The following TNRC6A variants were observed in gnomAD, a reference collection of about 807,000 sequenced individuals.
TNRC6A encodes the protein trinucleotide repeat containing adaptor 6A, also known as trinucleotide repeat-containing gene 6A protein.
A neutral mutation model predicts 221.2 loss-of-function variants in TNRC6A; 44 were observed. The ratio of observed to expected loss-of-function variants is 0.20; its 90% CI spans 0.16 to 0.26. TNRC6A has a LOEUF of 0.26. TNRC6A is among the 10% of genes least tolerant of loss of function. The probability of loss-of-function intolerance (pLI) is 1.00; values close to 1 mark genes in which losing one functional copy is unlikely to be tolerated. For missense variants in TNRC6A, 2,199 were observed against 2,404.4 expected (o/e 0.91, Z 1.79); for synonymous variants, 847 against 838.5 (o/e 1.01, Z -0.18).
At chr16:24,768,052 C>G (rs996327330) in intron 4 of TNRC6A, among the ~76,000 whole-genome samples, 5 of 152,066 alleles carry the variant, frequency 3.3e-5, no homozygotes, top group African/African-American at 4.8e-5. Flanking sequence ...CTAAACAGTT[C>G]TAATAAGCAA....
At chr16:24,611,531 G>T (rs1433770029) in intron 1 of TNRC6A, among the ~76,000 whole-genome samples, 1 of 152,068 alleles carries the variant, frequency 6.6e-6, no homozygotes, top group Non-Finnish European at 1.5e-5. Flanking sequence ...ACTCTCTGTG[G>T]GAGAAACCAG....
At chr16:24,702,175 C>CTTTTCT (rs1567370075) in intron 2 of TNRC6A, among the ~76,000 whole-genome samples, 2 of 22,300 alleles carry the variant, frequency 9.0e-5, no homozygotes, top group Non-Finnish European at 1.6e-4. Context: ...TTTCTTTTTT[C>CTTTTCT]TTTTTTCTTT....
chr16:24,778,500 G>A lies in TNRC6A; in HGVS notation c.589+1142G>A, dbSNP rs140067673. 3.8e-4 allele frequency: 373 copies of A among 985,174 alleles called. 2 individuals carry two copies. Among genetic ancestry groups the A allele is most frequent in the African/African-American group, 2.9e-3 (169 of 57,334 alleles). The allele number at this position is 985,174 out of a possible 1,614,324, so 61.0% of individuals were successfully genotyped here. On this transcript the variant is annotated intron_variant, in intron 5 of 24. Transcript: ENST00000395799. ...TTTCTAGCATAGGCACATTGTTATTGGAAAGGATACAAATTTAAGTCATTG... is the reference window on the plus strand; with the variant it reads ...TTTCTAGCATAGGCACATTGTTATTAGAAAGGATACAAATTTAAGTCATTG...
At chr16:24,788,717 C>T (rs1351529046) in intron 5 of TNRC6A, among the ~76,000 whole-genome samples, 1 of 151,488 alleles carries the variant, frequency 6.6e-6, no homozygotes, top group African/African-American at 2.4e-5. Context: ...GGCACTATCT[C>T]CGCTCACTGC....
At chr16:24,802,893 A>G (rs1187936011) in intron 11 of TNRC6A, among the ~76,000 whole-genome samples, 5 of 152,154 alleles carry the variant, frequency 3.3e-5, no homozygotes, top group Non-Finnish European at 7.3e-5. Context: ...AGATTTGTTG[A>G]AATAGAGCAG....
intron 18 of TNRC6A, among the ~76,000 whole-genome samples, chr16:24,810,107 C>T (rs1358200441): frequency 1.3e-5 from 2 of 152,218 alleles, no homozygotes; most frequent in African/African-American, 4.8e-5. Flanking sequence ...ACTACTGCAC[C>T]TGGCCCATAA....
Position 24,666,858 on chromosome 16 carries a change from G to A in TNRC6A, n.402+25849G>A, listed in dbSNP as rs955487207. Among the ~76,000 whole-genome samples, 102 of 151,760 alleles carry A rather than the reference G, an allele frequency of 6.7e-4. 3 individuals carry two copies. Among genetic ancestry groups the A allele is most frequent in the Non-Finnish European group, 2.1e-4 (14 of 67,926 alleles). ...TGGCTGGGCATGGTGGCTCACACCT[G>A]TAATCCCAGCATTTTGGGAGGCTGA... is the stretch of plus-strand genomic sequence containing the variant. On this transcript the variant is annotated intron_variant and non_coding_transcript_variant, in intron 2 of 2. Coordinates refer to the TNRC6A transcript ENST00000566108.
intron 7 of TNRC6A, among the ~76,000 whole-genome samples, chr16:24,794,082 T>C (rs1206984137): frequency 6.6e-6 from 1 of 152,160 alleles, no homozygotes; most frequent in Non-Finnish European, 1.5e-5. Context: ...CATTATCCCA[T>C]AGGCTGTGTA....
At chr16:24,785,158 T>C (rs2057939644) in intron 5 of TNRC6A, among the ~76,000 whole-genome samples, 1 of 152,258 alleles carries the variant, frequency 6.6e-6, no homozygotes, top group South Asian at 2.1e-4. Flanking sequence ...CAAAGTGCTC[T>C]CTGGCAATGC....
chr16:24,702,633 G>T lies in TNRC6A; in HGVS notation n.403-48093G>T, dbSNP rs570092755. Among the ~76,000 whole-genome samples the T allele has an allele frequency of 6.3e-4, 96 of 152,162 alleles. No individual in the cohort carries two copies. In the South Asian group the frequency reaches 0.017, roughly 27 times the overall value. On this transcript the variant is annotated intron_variant and non_coding_transcript_variant, in intron 2 of 2. Coordinates refer to the TNRC6A transcript ENST00000566108. ...TCACACACTTAAAATATACAATTTG[G>T]CTGGGCACGGTGACACCTCTTGAAA...
At chr16:24,735,428 C>T (rs1309705799) in intron 2 of TNRC6A, among the ~76,000 whole-genome samples, 1 of 152,126 alleles carries the variant, frequency 6.6e-6, no homozygotes, top group Non-Finnish European at 1.5e-5. Context: ...TTTTCTTTTG[C>T]TTTGCTGTGA....
At chr16:24,625,259 C>G (rs1900897443) in intron 1 of TNRC6A, among the ~76,000 whole-genome samples, 1 of 152,188 alleles carries the variant, frequency 6.6e-6, no homozygotes, top group Admixed American at 6.5e-5. Flanking sequence ...ATTGACTCTT[C>G]CCTAACAGTT....
At chr16:24,792,613 CT>C (rs34670934) in intron 6 of TNRC6A, among the ~76,000 whole-genome samples, 591 of 56,456 alleles carry the variant, frequency 0.01, no homozygotes, top group Non-Finnish European at 0.011. Flanking sequence ...ACATTTATGG[CT>C]TTTTTTTTTT....
At chr16:24,622,908 C>T (rs1003776765) in intron 1 of TNRC6A, among the ~76,000 whole-genome samples, 4 of 152,092 alleles carry the variant, frequency 2.6e-5, no homozygotes, top group African/African-American at 9.7e-5. Context: ...CTGTGCGGTA[C>T]ATAGGTGAAT....
rs746405019 is a variant in TNRC6A, at chr16:24,809,478, C to T, written c.4669C>T (p.His1557Tyr). 6.1e-6 allele frequency: 9 copies of T among 1,472,822 alleles called. No homozygotes were observed. Among genetic ancestry groups the T allele is most frequent in the Non-Finnish European group, 8.1e-6 (9 of 1,113,616 alleles). The allele number at this position is 1,472,822 out of a possible 1,614,324, so 91.2% of individuals were successfully genotyped here. Reference sequence around the variant, plus strand: ...ATCTTTGGATCAAAACTCCAGCAAACATGGTACAAAAGATACATCTTACCA... The same window carrying T: ...ATCTTTGGATCAAAACTCCAGCAAATATGGTACAAAAGATACATCTTACCA... Reference protein sequence around the residue: ...NTSLDQNSSKHGAISSGFRLE... With the variant: ...NTSLDQNSSKYGAISSGFRLE... Residue 1557 changes from histidine to tyrosine, a missense_variant, in exon 18 of 25, where the codon CAT becomes TAT. Physicochemically the swap from His to Tyr is moderately conservative, Grantham distance 83 (BLOSUM62 2). This residue lies in a region of TNRC6A where 449 missense variants were observed against 579.7 expected (regional missense o/e 0.77). Coordinates refer to ENST00000395799, the MANE Select transcript of TNRC6A (RefSeq NM_014494.4).
At chr16:24,621,939 G>A (rs1900696577) in intron 1 of TNRC6A, among the ~76,000 whole-genome samples, 1 of 152,180 alleles carries the variant, frequency 6.6e-6, no homozygotes, top group Non-Finnish European at 1.5e-5. Flanking sequence ...GGAAAGCAAG[G>A]CTATGAGTAT....
intron 1 of TNRC6A, among the ~76,000 whole-genome samples, chr16:24,639,909 G>A (rs570370005): frequency 2.6e-5 from 4 of 152,186 alleles, no homozygotes; most frequent in East Asian, 3.9e-4. Flanking sequence ...CTCCCACTTC[G>A]GCTTCCCAAA....
chr16:24,754,879 A>G (rs1281762622), intron 3 of TNRC6A, among the ~76,000 whole-genome samples: 1 of 152,114 alleles, frequency 6.6e-6, no homozygotes, highest in Non-Finnish European at 1.5e-5. Context: ...AGCTGAAGGG[A>G]TTTTTATAGG....
At position 24,744,051 on chromosome 16, in the gene TNRC6A, G is replaced by T. The variant is rs543675868; in HGVS notation, c.54-6675G>T. Reference sequence around the variant, plus strand: ...GCATTCTGGAAGTTTCTTAGTTTCTGCTCTTCAGGACCTTGATATTTTTAA... The same window carrying T: ...GCATTCTGGAAGTTTCTTAGTTTCTTCTCTTCAGGACCTTGATATTTTTAA... On this transcript the variant is annotated intron_variant, in intron 2 of 24. Transcript: ENST00000395799. 5.3e-5 allele frequency among the ~76,000 whole-genome samples: 8 copies of T among 152,278 alleles called. No homozygotes were observed. The South Asian group carries it at 1.0e-3, about 20-fold the overall frequency.
Sources: gnomAD v4.1 joint callset for allele counts (sites outside exome capture counted in the v4.1 genomes callset) on GRCh38, gnomAD v4.1.1 for gene constraint, gnomAD v4.1.1 regional missense constraint, MANE v1.5 for transcripts, NCBI Gene and HGNC (gene_info 2026-07-23, HGNC 2026-07-21) for gene names.